The following MAGI2 variants were observed in gnomAD, a reference collection of about 807,000 sequenced individuals.
MAGI2 encodes membrane-associated guanylate kinase, WW and PDZ domain-containing protein 2.
MAGI2 carries 35 observed loss-of-function variants against 133.3 expected under a neutral mutation model. The ratio of observed to expected loss-of-function variants is 0.26; its 90% CI spans 0.20 to 0.35. The LOEUF is 0.35. Ranked by LOEUF, MAGI2 falls within the 10% of genes least tolerant of loss-of-function variation. The probability of loss-of-function intolerance (pLI) is 1.00; values close to 1 mark genes in which losing one functional copy is unlikely to be tolerated. For missense variants in MAGI2, 1,636 were observed against 1,863.4 expected, an observed-to-expected ratio of 0.88 and a Z score of 2.25; for synonymous variants, 729 against 710.6, an observed-to-expected ratio of 1.03 and a Z score of -0.41.
intron 6 of MAGI2, among the ~76,000 whole-genome samples, chr7:78,434,143 T>C (rs1800057162): frequency 1.3e-5 from 2 of 152,216 alleles, no homozygotes; most frequent in South Asian, 4.1e-4. Flanking sequence ...ACTTAGCTCT[T>C]TAATGCTTGA....
At chr7:78,329,263 C>T (rs1174397265) in intron 9 of MAGI2, among the ~76,000 whole-genome samples, 1 of 152,196 alleles carries the variant, frequency 6.6e-6, no homozygotes, top group Non-Finnish European at 1.5e-5. Flanking sequence ...TGTAATTTCA[C>T]TGGCAGCTTG....
chr7:79,160,864 G>A (rs950161290), intron 1 of MAGI2, among the ~76,000 whole-genome samples: 1 of 151,904 alleles, frequency 6.6e-6, no homozygotes. Context: ...AGTAAGTCTG[G>A]GGCTAAGGGG....
chr7:78,741,478 T>A (rs562062492), intron 2 of MAGI2, among the ~76,000 whole-genome samples: 118 of 149,616 alleles, frequency 7.9e-4, no homozygotes, highest in African/African-American at 2.8e-3. Flanking sequence ...TAAAGGAGCA[T>A]CTGGCCTATA....
At chr7:79,401,372 C>A (rs1168218426) in intron 1 of MAGI2, among the ~76,000 whole-genome samples, 4 of 152,204 alleles carry the variant, frequency 2.6e-5, no homozygotes, top group Non-Finnish European at 5.9e-5. Flanking sequence ...TGCTGTTTCT[C>A]TCATTCTGGC....
At chr7:78,489,872 A>G in intron 5 of MAGI2, 32 bp from the exon 6 acceptor site, 1 of 1,512,326 alleles carries the variant, frequency 6.6e-7, no homozygotes, top group Non-Finnish European at 9.1e-7. Flanking sequence ...CTGAACAGAC[A>G]CATACTAAAA....
chr7:78,913,209 C>T (rs1207172534), intron 2 of MAGI2, among the ~76,000 whole-genome samples: 1 of 151,888 alleles, frequency 6.6e-6, no homozygotes, highest in Non-Finnish European at 1.5e-5. Context: ...AATTATAATC[C>T]CCAATGTTGG....
intron 1 of MAGI2, among the ~76,000 whole-genome samples, chr7:79,100,651 A>T (rs2041486): frequency 0.61 from 91,695 of 150,992 alleles, 34,310 homozygotes; most frequent in Non-Finnish European, 0.83. Flanking sequence ...AAAATTTTTT[A>T]AAAAATTATG....
At chr7:78,193,628 G>T (rs1828441327) in intron 12 of MAGI2, among the ~76,000 whole-genome samples, 1 of 151,972 alleles carries the variant, frequency 6.6e-6, no homozygotes, top group African/African-American at 2.4e-5. Flanking sequence ...AGCTAAGAAT[G>T]CCTAATTTGT....
intron 1 of MAGI2, among the ~76,000 whole-genome samples, chr7:79,057,660 A>G (rs1020954620): frequency 1.3e-5 from 2 of 152,128 alleles, no homozygotes; most frequent in African/African-American, 4.8e-5. Flanking sequence ...GAGGTATTTC[A>G]ATGGCAGGTG....
At position 79,077,583 on chromosome 7, in the gene MAGI2, A is replaced by T. The variant is rs1035357329; in HGVS notation, c.302-70377T>A. Among the ~76,000 whole-genome samples, 15 of 134,668 alleles carry T rather than the reference A, an allele frequency of 1.1e-4. 2 individuals are homozygous for T. The highest frequency in any genetic ancestry group is 3.9e-4 in the African/African-American group (14 of 36,292). The allele number at this position is 134,668 out of a possible 152,430, so 88.3% of individuals were successfully genotyped here. On this transcript the variant is annotated intron_variant, in intron 1 of 21. Transcript: ENST00000354212. ...GAGCGAGACTGCCTCTCAAAAAAAA[A>T]AAAAAAAAAAAATAAATAAATAAAT...
intron 9 of MAGI2, among the ~76,000 whole-genome samples, chr7:78,330,919 A>G (rs1214312048): frequency 6.6e-6 from 1 of 152,192 alleles, no homozygotes; most frequent in Admixed American, 6.5e-5. Flanking sequence ...GTACGAACTG[A>G]ACGAATCTGA....
chr7:78,668,264 T>A (rs1813882110), intron 2 of MAGI2, among the ~76,000 whole-genome samples: 1 of 151,964 alleles, frequency 6.6e-6, no homozygotes, highest in Non-Finnish European at 1.5e-5. Flanking sequence ...TGTAAATTTC[T>A]TTGAGTTCAT....
At chr7:78,851,242 C>T (rs1433402702) in intron 2 of MAGI2, among the ~76,000 whole-genome samples, 3 of 127,010 alleles carry the variant, frequency 2.4e-5, no homozygotes, top group Non-Finnish European at 5.1e-5. Flanking sequence ...TCAATTTTCT[C>T]ATTGTTAGTC....
intron 6 of MAGI2, among the ~76,000 whole-genome samples, chr7:78,427,659 C>CAAAAA (rs1166524882): frequency 1.4e-5 from 1 of 69,516 alleles, no homozygotes; most frequent in African/African-American, 4.8e-5. Flanking sequence ...AACAAAAAGA[C>CAAAAA]AAAAAAAAAA....
chr7:79,137,210 AG>A, intron 1 of MAGI2, among the ~76,000 whole-genome samples: 1 of 152,222 alleles, frequency 6.6e-6, no homozygotes, highest in Non-Finnish European at 1.5e-5. Context: ...AGGGGAGAAA[AG>A]AGTGGGCTCA....
chr7:78,330,335 C>CTTATTTAATCAACAAGTT (rs1584899940), intron 9 of MAGI2, among the ~76,000 whole-genome samples: 1 of 117,418 alleles, frequency 8.5e-6, no homozygotes, highest in Non-Finnish European at 1.9e-5. Flanking sequence ...GATTCCTTCA[C>CTTATTTAATCAACAAGTT]GGCCGGGCGC....
chr7:78,748,857 T>C (rs1823184163), intron 2 of MAGI2, among the ~76,000 whole-genome samples: 3 of 152,206 alleles, frequency 2.0e-5, no homozygotes, highest in East Asian at 1.9e-4. Flanking sequence ...CCTTTTCACA[T>C]GGGTTTTGCA....
chr7:78,953,524 T>C (rs1802039002), intron 2 of MAGI2, among the ~76,000 whole-genome samples: 1 of 152,164 alleles, frequency 6.6e-6, no homozygotes, highest in Non-Finnish European at 1.5e-5. Context: ...AATAACATTA[T>C]GACATTTTCC....
chr7:78,392,395 G>T (rs1407607218), intron 6 of MAGI2, among the ~76,000 whole-genome samples: 2 of 152,144 alleles, frequency 1.3e-5, no homozygotes, highest in Non-Finnish European at 2.9e-5. Flanking sequence ...AGATACTTTT[G>T]CAGAGAATGG....
Sources: allele counts gnomAD v4.1 joint callset (sites outside exome capture counted in the v4.1 genomes callset), GRCh38; gene constraint gnomAD v4.1.1; transcripts MANE v1.5; gene names NCBI Gene and HGNC (gene_info 2026-07-23, HGNC 2026-07-21).